Variants in SH3RF3 observed in about 807,000 individuals in gnomAD.
The protein encoded by SH3RF3 is E3 ubiquitin-protein ligase SH3RF3.
SH3RF3 carries 29 observed loss-of-function variants against 66.3 expected under a neutral mutation model. That is an observed-to-expected ratio of 0.44 (90% confidence interval 0.33 to 0.60). The LOEUF is 0.60. Ranked by LOEUF, SH3RF3 falls within the 20% of genes least tolerant of loss-of-function variation. The probability of loss-of-function intolerance (pLI) is 0.04; values close to 1 mark genes in which losing one functional copy is unlikely to be tolerated. For synonymous variants in SH3RF3, 583 were observed against 532.0 expected (o/e 1.10, Z -1.32); for missense variants, 1,194 against 1,190.9 (o/e 1.00, Z -0.04).
intron 8 of SH3RF3, among the ~76,000 whole-genome samples, chr2:109,490,387 A>AAG (rs1679097951): frequency 6.6e-6 from 1 of 152,120 alleles, no homozygotes; most frequent in Non-Finnish European, 1.5e-5. Context: ...CCTGGCCCTC[A>AAG]CTGGTTCACC....
chr2:109,217,647 G>A (rs1456271885), intron 1 of SH3RF3, among the ~76,000 whole-genome samples: 1 of 152,248 alleles, frequency 6.6e-6, no homozygotes, highest in Non-Finnish European at 1.5e-5. Flanking sequence ...CCAGTGATGG[G>A]AATGAGATGA....
intron 1 of SH3RF3, among the ~76,000 whole-genome samples, chr2:109,232,877 T>C (rs1451688910): frequency 6.6e-6 from 1 of 152,134 alleles, no homozygotes; most frequent in Admixed American, 6.5e-5. Flanking sequence ...ATTCACACTT[T>C]TTGGTTTACA....
chr2:109,210,499 T>G (rs1678947992), intron 1 of SH3RF3, among the ~76,000 whole-genome samples: 1 of 152,226 alleles, frequency 6.6e-6, no homozygotes, highest in Admixed American at 6.5e-5. Flanking sequence ...AGGGAGACAG[T>G]GGCTGGAGTA....
intron 1 of SH3RF3, among the ~76,000 whole-genome samples, chr2:109,250,495 A>G (rs891278254): frequency 8.5e-5 from 13 of 152,052 alleles, no homozygotes; most frequent in Non-Finnish European, 1.6e-4. Context: ...TATTATTAAA[A>G]TAAATGGAAT....
intron 1 of SH3RF3, among the ~76,000 whole-genome samples, chr2:109,146,769 C>A (rs750081701): frequency 1.0e-4 from 15 of 148,302 alleles, no homozygotes; most frequent in Non-Finnish European, 2.1e-4. Context: ...CGAAAACTTG[C>A]GGATCTCTCC....
intron 3 of SH3RF3, among the ~76,000 whole-genome samples, chr2:109,373,540 G>GAAGCCAGACATA (rs1450357177): frequency 6.6e-6 from 1 of 152,190 alleles, no homozygotes; most frequent in Non-Finnish European, 1.5e-5. Context: ...ATTTTTGAAA[G>GAAGCCAGACATA]AAGCCAGACA....
At chr2:109,212,762 C>A (rs1558961281) in intron 1 of SH3RF3, among the ~76,000 whole-genome samples, 1 of 152,176 alleles carries the variant, frequency 6.6e-6, no homozygotes, top group Non-Finnish European at 1.5e-5. Flanking sequence ...AGCCTTCTCC[C>A]CCACCCGTCA....
chr2:109,257,986 C>T (rs925648678), intron 1 of SH3RF3, among the ~76,000 whole-genome samples: 3 of 124,400 alleles, frequency 2.4e-5, no homozygotes, highest in African/African-American at 9.3e-5. Flanking sequence ...GCTTGATTGT[C>T]ACCACATGTG....
At chr2:109,276,857 A>G (rs1680769726) in intron 1 of SH3RF3, among the ~76,000 whole-genome samples, 1 of 152,208 alleles carries the variant, frequency 6.6e-6, no homozygotes, top group African/African-American at 2.4e-5. Flanking sequence ...TAAGCAAGAT[A>G]AAATAATCTA....
chr2:109,442,310 C>CCA (rs1553521252), intron 7 of SH3RF3, among the ~76,000 whole-genome samples: 1 of 75,918 alleles, frequency 1.3e-5, no homozygotes, highest in Admixed American at 1.6e-4. Context: ...GACTCCACCT[C>CCA]AAAAAAAAAA....
At chr2:109,428,183 G>A (rs1677088803) in intron 5 of SH3RF3, among the ~76,000 whole-genome samples, 3 of 152,240 alleles carry the variant, frequency 2.0e-5, no homozygotes, top group East Asian at 1.9e-4. Flanking sequence ...GTAGAAGTGG[G>A]ACTTCTGGTA....
At chr2:109,210,859 G>GT (rs1678958529) in intron 1 of SH3RF3, among the ~76,000 whole-genome samples, 2 of 152,228 alleles carry the variant, frequency 1.3e-5, no homozygotes, top group African/African-American at 4.8e-5. Flanking sequence ...TACAACCTAG[G>GT]TGAGAAATCT....
intron 1 of SH3RF3, among the ~76,000 whole-genome samples, chr2:109,289,020 G>A (rs957167503): frequency 2.0e-5 from 3 of 152,192 alleles, no homozygotes; most frequent in African/African-American, 7.2e-5. Context: ...AAATGGCATT[G>A]TGTTGCTCAC....
chr2:109,474,939 GTTTT>G (rs1270959012), intron 8 of SH3RF3, among the ~76,000 whole-genome samples: 1 of 152,194 alleles, frequency 6.6e-6, no homozygotes, highest in Non-Finnish European at 1.5e-5. Flanking sequence ...ACCTTTCAGT[GTTTT>G]TTGTCTTTTG....
At chr2:109,264,331 A>T (rs1680434422) in intron 1 of SH3RF3, among the ~76,000 whole-genome samples, 1 of 119,360 alleles carries the variant, frequency 8.4e-6, no homozygotes, top group Non-Finnish European at 1.7e-5. Flanking sequence ...CTCCCCGTTC[A>T]CCTCCCCAGG....
At chr2:109,157,564 T>A (rs1250643728) in intron 1 of SH3RF3, among the ~76,000 whole-genome samples, 1 of 152,212 alleles carries the variant, frequency 6.6e-6, no homozygotes, top group Non-Finnish European at 1.5e-5. Flanking sequence ...AAAGATTTCC[T>A]TGGTCTCATC....
chr2:109,475,292 A>G (rs1678655151), intron 8 of SH3RF3, among the ~76,000 whole-genome samples: 1 of 152,076 alleles, frequency 6.6e-6, no homozygotes, highest in Non-Finnish European at 1.5e-5. Flanking sequence ...ATTATCTTAA[A>G]TCTCCGAGGG....
At chr2:109,250,981 T>C (rs1204381986) in intron 1 of SH3RF3, among the ~76,000 whole-genome samples, 1 of 152,068 alleles carries the variant, frequency 6.6e-6, no homozygotes, top group Non-Finnish European at 1.5e-5. Context: ...ATAGCTTTTT[T>C]TTTCAAATTA....
chr2:109,277,279 C>T (rs569922569), intron 1 of SH3RF3, among the ~76,000 whole-genome samples: 1 of 152,274 alleles, frequency 6.6e-6, no homozygotes, highest in East Asian at 1.9e-4. Flanking sequence ...CTGGATGTGA[C>T]TCTGGAATCA....
Sources: gnomAD v4.1 joint callset for allele counts (sites outside exome capture counted in the v4.1 genomes callset) on GRCh38, gnomAD v4.1.1 for gene constraint, MANE v1.5 for transcripts, NCBI Gene and HGNC (gene_info 2026-07-23, HGNC 2026-07-21) for gene names.